LRP1B: variants seen among roughly 807,000 people sequenced by gnomAD.
LRP1B encodes the protein LDL receptor related protein 1B.
In LRP1B, 217 loss-of-function variants were observed where a neutral mutation model predicts 556.6. The observed-to-expected ratio is 0.39, with a 90% CI of 0.35 to 0.44. The LOEUF is 0.44. Ranked by LOEUF, LRP1B falls within the 20% of genes least tolerant of loss-of-function variation. The pLI is 1.00. For missense variants in LRP1B, 5,053 were observed against 5,620.8 expected (o/e 0.90, Z 3.23); for synonymous variants, 2,047 against 1,865.8 (o/e 1.10, Z -2.50).
At chr2:142,050,227 A>G (rs966774383) in intron 1 of LRP1B, among the ~76,000 whole-genome samples, 1 of 152,196 alleles carries the variant, frequency 6.6e-6, no homozygotes, top group Non-Finnish European at 1.5e-5. Flanking sequence ...TACATATTTT[A>G]TATGGCAATT....
chr2:140,595,087 A>AATATATAT lies in LRP1B; in HGVS notation c.7194+3536_7194+3543dup, dbSNP rs60138085. On this transcript the variant is annotated intron_variant, in intron 43 of 90. Coordinates refer to ENST00000389484, the MANE Select transcript of LRP1B (RefSeq NM_018557.3). Reference sequence around the variant, plus strand: ...CTACTTAAAAATAAAATATAAATTGAATATATATATATATATATATATATA... The same window carrying AATATATAT: ...CTACTTAAAAATAAAATATAAATTGAATATATATATATATATATATATATATATATATA... Among the ~76,000 whole-genome samples the AATATATAT allele has an allele frequency of 6.0e-4, 60 of 99,634 alleles. 2 individuals carry two copies. The highest frequency in any genetic ancestry group is 9.2e-4 in the Non-Finnish European group (43 of 46,774). 65.4% of individuals were successfully genotyped at this position (99,634 alleles called of 152,430 possible). A position where few individuals can be genotyped will look rare whatever the true frequency, so the allele number is the denominator to read the frequency against.
chr2:141,472,789 C>T (rs536704567), intron 3 of LRP1B, among the ~76,000 whole-genome samples: 2 of 129,330 alleles, frequency 1.5e-5, no homozygotes, highest in South Asian at 4.5e-4. Context: ...TTCTAAACTA[C>T]TAGTAGGCAG....
intron 1 of LRP1B, among the ~76,000 whole-genome samples, chr2:141,952,260 A>T (rs1291014789): frequency 1.3e-5 from 2 of 151,914 alleles, no homozygotes; most frequent in Non-Finnish European, 2.9e-5. Flanking sequence ...ATTGATGGAC[A>T]TTTGGGTTGG....
intron 3 of LRP1B, among the ~76,000 whole-genome samples, chr2:141,471,536 T>C (rs1347879129): frequency 1.3e-5 from 2 of 152,154 alleles, no homozygotes; most frequent in African/African-American, 4.8e-5. Context: ...TGTTCTTCCT[T>C]TCCTCATTTG....
intron 2 of LRP1B, among the ~76,000 whole-genome samples, chr2:141,603,306 G>C (rs868578951): frequency 3.9e-5 from 6 of 152,158 alleles, no homozygotes; most frequent in Admixed American, 6.5e-5. Flanking sequence ...AATTATAATA[G>C]TAACAGTAGG....
At chr2:141,214,785 A>G (rs1682723975) in intron 6 of LRP1B, among the ~76,000 whole-genome samples, 1 of 152,222 alleles carries the variant, frequency 6.6e-6, no homozygotes, top group African/African-American at 2.4e-5. Context: ...AAAAGCCGGT[A>G]GTCACTAAGA....
chr2:140,612,185 T>C (rs1683095267), intron 41 of LRP1B, among the ~76,000 whole-genome samples: 1 of 152,090 alleles, frequency 6.6e-6, no homozygotes, highest in South Asian at 2.1e-4. Context: ...TTGACATTAA[T>C]CAAGTGAAAT....
intron 1 of LRP1B, among the ~76,000 whole-genome samples, chr2:142,049,198 G>C (rs556588251): frequency 7.6e-4 from 115 of 152,062 alleles, no homozygotes; most frequent in African/African-American, 2.6e-3. Context: ...GAAGACAGAT[G>C]GTCAACAAAG....
chr2:140,261,580 AATT>A (rs1473870722), intron 86 of LRP1B, among the ~76,000 whole-genome samples: 3 of 151,834 alleles, frequency 2.0e-5, no homozygotes, highest in Non-Finnish European at 2.9e-5. Flanking sequence ...TGAATAACCT[AATT>A]ATTAACACCG....
intron 6 of LRP1B, among the ~76,000 whole-genome samples, chr2:141,203,812 G>A (rs1236887954): frequency 2.0e-5 from 3 of 152,008 alleles, no homozygotes; most frequent in East Asian, 1.9e-4. Flanking sequence ...GCAAAAGAAC[G>A]GAAATCATAA....
intron 3 of LRP1B, among the ~76,000 whole-genome samples, chr2:141,469,977 A>C (rs1402662938): frequency 6.6e-6 from 1 of 152,182 alleles, no homozygotes; most frequent in Non-Finnish European, 1.5e-5. Context: ...ATTGATGTTA[A>C]TGTCTTACTG....
chr2:141,414,325 AAG>A (rs1690999462), intron 3 of LRP1B, among the ~76,000 whole-genome samples: 2 of 146,476 alleles, frequency 1.4e-5, no homozygotes, highest in East Asian at 2.1e-4. Context: ...GAAAGAGATA[AAG>A]AGAGAAAGAG....
intron 84 of LRP1B, among the ~76,000 whole-genome samples, chr2:140,292,286 A>AT (rs1214010969): frequency 6.6e-6 from 1 of 152,216 alleles, no homozygotes; most frequent in Non-Finnish European, 1.5e-5. Context: ...ATATTCACAT[A>AT]TTAGATAAAA....
At chr2:140,307,757 T>C (rs900576519) in intron 83 of LRP1B, among the ~76,000 whole-genome samples, 1 of 151,752 alleles carries the variant, frequency 6.6e-6, no homozygotes. Context: ...GGGCAGATAG[T>C]GTTGATTTTC....
intron 32 of LRP1B, among the ~76,000 whole-genome samples, chr2:140,787,432 T>C (rs993429166): frequency 6.6e-6 from 1 of 152,244 alleles, no homozygotes; most frequent in East Asian, 1.9e-4. Context: ...AGTTTACTAG[T>C]CCCCAAGAGG....
At chr2:140,312,320 T>C (rs1165475829) in intron 83 of LRP1B, among the ~76,000 whole-genome samples, 1 of 152,016 alleles carries the variant, frequency 6.6e-6, no homozygotes, top group Non-Finnish European at 1.5e-5. Flanking sequence ...TAATTGGGAA[T>C]GTTGTCTCAA....
chr2:141,211,313 A>AAAC (rs1558935720), intron 6 of LRP1B, among the ~76,000 whole-genome samples: 14 of 145,700 alleles, frequency 9.6e-5, no homozygotes, highest in African/African-American at 3.5e-4. Flanking sequence ...TTAAAAAAAA[A>AAAC]AAACAAAACA....
In LRP1B at chr2:140,714,842, G is replaced by C. The variant is rs148795610; in HGVS notation, c.6023+1131C>G. 7.0e-3 allele frequency among the ~76,000 whole-genome samples: 1,058 copies of C among 152,068 alleles called. 14 individuals carry two copies. The highest frequency in any genetic ancestry group is 0.024 in the Middle Eastern group (7 of 294). On this transcript the variant is annotated intron_variant, in intron 37 of 90. Transcript: ENST00000389484. ...TCCAGCCTAGGCAACAGAATGACAG[G>C]CTGTCTCAAAAACAAACAAGAACAC...
intron 2 of LRP1B, among the ~76,000 whole-genome samples, chr2:141,679,516 T>C (rs961907383): frequency 3.9e-5 from 6 of 152,192 alleles, no homozygotes; most frequent in Admixed American, 6.5e-5. Flanking sequence ...GGAGTTTAAA[T>C]TGGTTTAACT....
Sources: gnomAD v4.1 joint callset for allele counts (sites outside exome capture counted in the v4.1 genomes callset) on GRCh38, gnomAD v4.1.1 for gene constraint, MANE v1.5 for transcripts, NCBI Gene and HGNC (gene_info 2026-07-23, HGNC 2026-07-21) for gene names.